SEPTIN9: variants seen among roughly 807,000 people sequenced by gnomAD.
The protein encoded by SEPTIN9 is septin 9.
Under a neutral mutation model 56.6 loss-of-function variants are expected in SEPTIN9, and 13 were observed. The ratio of observed to expected loss-of-function variants is 0.23; its 90% CI spans 0.15 to 0.37. The LOEUF (loss-of-function observed/expected upper bound fraction) is 0.37. Ranked by LOEUF, SEPTIN9 falls within the 10% of genes least tolerant of loss-of-function variation. SEPTIN9 has a pLI of 1.00. For synonymous variants in SEPTIN9, 332 were observed against 334.1 expected (o/e 0.99, Z 0.07); for missense variants, 650 against 823.1 (o/e 0.79, Z 2.57).
chr17:77,302,177 A>T (rs1454929557), intron 1 of SEPTIN9, among the ~76,000 whole-genome samples: 3 of 152,206 alleles, frequency 2.0e-5, no homozygotes, highest in African/African-American at 7.2e-5. Flanking sequence ...CCCAGGTAAA[A>T]GAAAAAATAG....
chr17:77,404,811 G>A (rs544987900), intron 3 of SEPTIN9, among the ~76,000 whole-genome samples: 30 of 152,246 alleles, frequency 2.0e-4, no homozygotes, highest in African/African-American at 6.3e-4. Context: ...CGAGTCCCGT[G>A]TTCCCTCTCC....
intron 2 of SEPTIN9, among the ~76,000 whole-genome samples, chr17:77,340,641 C>G (rs984661125): frequency 6.6e-6 from 1 of 152,182 alleles, no homozygotes; most frequent in Non-Finnish European, 1.5e-5. Flanking sequence ...GTCAGCCTGT[C>G]CTTTGAAGCT....
rs1241478688 is a variant in SEPTIN9, at chr17:77,435,946, G to C, written c.721+33243G>C. ...CTGGAAAAACCTTACACCGTTTAGG[G>C]CTTGAGGCAGGGCTAGAGCATGGAG... On this transcript the variant is annotated intron_variant, in intron 3 of 11. Coordinates refer to ENST00000427177, the MANE Select transcript of SEPTIN9 (RefSeq NM_001113491.2). This position sits in a 1 kb window ranked among gnomAD's most constrained non-coding sequence, Gnocchi z 4.5. Among the ~76,000 whole-genome samples, 1 of 152,222 alleles carries C rather than the reference G, an allele frequency of 6.6e-6. No homozygotes were observed. Among genetic ancestry groups the C allele is most frequent in the Non-Finnish European group, 1.5e-5 (1 of 68,038 alleles).
rs1054677536 is a variant in SEPTIN9 at position 77,425,002 on chromosome 17, G to T, written c.721+22299G>T. On this transcript the variant is annotated intron_variant, in intron 3 of 11. Transcript: ENST00000427177. The surrounding 1 kb of genome is among the most constrained non-coding windows in gnomAD (Gnocchi z 4.2). ...CCATCAGTAGGGTGAGGGTAACCAGGACTTACGCATAGTTGGGCGAAGTCG... is the reference window on the plus strand; with the variant it reads ...CCATCAGTAGGGTGAGGGTAACCAGTACTTACGCATAGTTGGGCGAAGTCG... Among the ~76,000 whole-genome samples the T allele has an allele frequency of 6.6e-6, 1 of 152,208 alleles. No homozygotes were observed. The highest frequency in any genetic ancestry group is 1.5e-5 in the Non-Finnish European group (1 of 68,028).
intron 2 of SEPTIN9, among the ~76,000 whole-genome samples, chr17:77,339,785 C>T (rs2033668665): frequency 6.6e-6 from 1 of 151,172 alleles, no homozygotes; most frequent in Non-Finnish European, 1.5e-5. Flanking sequence ...ATTGGGACTA[C>T]AGGCATGAGC....
intron 1 of SEPTIN9, among the ~76,000 whole-genome samples, chr17:77,284,931 C>A (rs2031209111): frequency 6.6e-6 from 1 of 152,156 alleles, no homozygotes. Flanking sequence ...CCCAGCCTGC[C>A]TCATTTGTTA....
rs77277675 is a variant in SEPTIN9 at position 77,298,487 on chromosome 17, G to A, written c.20-8654G>A. 3.1e-3 allele frequency among the ~76,000 whole-genome samples: 474 copies of A among 152,334 alleles called. 5 individuals carry two copies. Among genetic ancestry groups the A allele is most frequent in the African/African-American group, 0.01 (420 of 41,568 alleles). Reference sequence around the variant, plus strand: ...GACCTCCTGGGGAGCCTTCCCCACCGCAGCTGCTGCAGGGAGCTCAGCTGC... The same window carrying A: ...GACCTCCTGGGGAGCCTTCCCCACCACAGCTGCTGCAGGGAGCTCAGCTGC... On this transcript the variant is annotated intron_variant, in intron 1 of 11. Coordinates refer to ENST00000427177, the MANE Select transcript of SEPTIN9 (RefSeq NM_001113491.2).
intron 3 of SEPTIN9, among the ~76,000 whole-genome samples, chr17:77,417,889 C>T (rs755051283): frequency 6.6e-6 from 1 of 152,196 alleles, no homozygotes; most frequent in Non-Finnish European, 1.5e-5. Context: ...ACCTCAGCAC[C>T]TGCTGCACAG....
At position 77,313,427 on chromosome 17, in the gene SEPTIN9, A is replaced by C. The variant is rs370956150; in HGVS notation, c.76+6230A>C. On this transcript the variant is annotated intron_variant, in intron 2 of 11. Coordinates refer to ENST00000427177, the MANE Select transcript of SEPTIN9 (RefSeq NM_001113491.2). This position sits in a 1 kb window ranked among gnomAD's most constrained non-coding sequence, Gnocchi z 4.5. ...ACCAGTAAACCCTGCAGCGGCCCCA[A>C]GGGCAGAGATAGCTGGATTGTATTT... 1.3e-5 allele frequency among the ~76,000 whole-genome samples: 2 copies of C among 152,266 alleles called. No individual in the cohort carries two copies. The highest frequency in any genetic ancestry group is 4.8e-5 in the African/African-American group (2 of 41,480).
In SEPTIN9 at chr17:77,369,291, G is replaced by C. The variant is rs369160943; in HGVS notation, c.77-32768G>C. On this transcript the variant is annotated intron_variant, in intron 2 of 11. Coordinates refer to ENST00000427177, the MANE Select transcript of SEPTIN9 (RefSeq NM_001113491.2). The surrounding 1 kb of genome is among the most constrained non-coding windows in gnomAD (Gnocchi z 4.9). ...CAGGAATATTGACACCACAGGAATA[G>C]GCAAGCGCTACAAATCGGGAAACTG... Among the ~76,000 whole-genome samples the C allele has an allele frequency of 6.6e-6, 1 of 152,188 alleles. No individual in the cohort carries two copies. Among genetic ancestry groups the C allele is most frequent in the African/African-American group, 2.4e-5 (1 of 41,446 alleles).
At chr17:77,333,090 G>T (rs978486900) in intron 2 of SEPTIN9, among the ~76,000 whole-genome samples, 1 of 152,158 alleles carries the variant, frequency 6.6e-6, no homozygotes, top group African/African-American at 2.4e-5. Flanking sequence ...CAATGGATAC[G>T]AGTTCTAGTT....
At chr17:77,300,411 G>A (rs2031987488) in intron 1 of SEPTIN9, among the ~76,000 whole-genome samples, 2 of 152,166 alleles carry the variant, frequency 1.3e-5, no homozygotes, top group South Asian at 4.1e-4. Context: ...CTAGGCAGGG[G>A]GTGGGGGCAA....
chr17:77,431,265 AC>A lies in SEPTIN9; in HGVS notation c.721+28564del, dbSNP rs150030090. The stretch of plus-strand genomic sequence containing the variant: ...TGAGGCTGCAGTGAGCTATGACCAC[AC>A]CACTGTACTCCAGCTCCTGGGTGAC... On this transcript the variant is annotated intron_variant, in intron 3 of 11. Coordinates refer to ENST00000427177, the MANE Select transcript of SEPTIN9 (RefSeq NM_001113491.2). 5.2e-3 allele frequency among the ~76,000 whole-genome samples: 793 copies of A among 152,230 alleles called. 11 individuals carry two copies. The highest frequency in any genetic ancestry group is 0.027 in the South Asian group (132 of 4,828).
intron 2 of SEPTIN9, among the ~76,000 whole-genome samples, chr17:77,345,988 T>G (rs1344154514): frequency 6.6e-6 from 1 of 152,102 alleles, no homozygotes; most frequent in African/African-American, 2.4e-5. Flanking sequence ...TCCTGCTCTG[T>G]TGCCCAGGCT....
intron 3 of SEPTIN9, among the ~76,000 whole-genome samples, chr17:77,420,367 G>T (rs910732904): frequency 6.6e-6 from 1 of 152,216 alleles, no homozygotes; most frequent in African/African-American, 2.4e-5. Context: ...TTCTTGGCTG[G>T]TGGTTCTGCG....
chr17:77,321,294 G>A (rs1335043549), intron 2 of SEPTIN9, among the ~76,000 whole-genome samples: 1 of 151,938 alleles, frequency 6.6e-6, no homozygotes, highest in Non-Finnish European at 1.5e-5. Context: ...TTGCCACTAT[G>A]TGTGTGTTGG....
chr17:77,308,995 AG>A (rs2032377120), intron 2 of SEPTIN9, among the ~76,000 whole-genome samples: 1 of 152,242 alleles, frequency 6.6e-6, no homozygotes, highest in South Asian at 2.1e-4. Context: ...CGCCCATCGC[AG>A]TCATGTTGGG....
Position 77,482,288 on chromosome 17 carries a change from G to T in SEPTIN9, c.866G>T (p.Arg289Leu). The change falls in exon 4 of 12, where the codon CGC becomes CTC. Residue 289 changes from arginine to leucine, a missense_variant. By Grantham distance (102) the Arg-to-Leu change is moderately radical. This residue lies in a region of SEPTIN9 where 333 missense variants were observed against 494.0 expected (regional missense o/e 0.67). Coordinates refer to ENST00000427177, the MANE Select transcript of SEPTIN9 (RefSeq NM_001113491.2). Reference sequence around the variant, plus strand: ...ATTGACTCCATCCTGGAGCAGATGCGCCGGAAGGCCATGAAGCAGGGCTTC... The same window carrying T: ...ATTGACTCCATCCTGGAGCAGATGCTCCGGAAGGCCATGAAGCAGGGCTTC... ...VGIDSILEQMRRKAMKQGFEF... is the reference protein window; with the variant it reads ...VGIDSILEQMLRKAMKQGFEF... 6.2e-7 allele frequency: 1 copy of T among 1,613,208 alleles called. No individual in the cohort carries two copies. The highest frequency in any genetic ancestry group is 8.5e-7 in the Non-Finnish European group (1 of 1,179,874).
chr17:77,418,109 A>T (rs1455378492), intron 3 of SEPTIN9, among the ~76,000 whole-genome samples: 2 of 152,160 alleles, frequency 1.3e-5, no homozygotes, highest in Non-Finnish European at 2.9e-5. Context: ...CAGCCCCTTG[A>T]CAGCCTCTCA....
Sources: gnomAD v4.1 joint callset for allele counts (sites outside exome capture counted in the v4.1 genomes callset) on GRCh38, gnomAD v4.1.1 for gene constraint, gnomAD v4.1.1 regional missense constraint, Gnocchi (gnomAD v3.1) non-coding constraint, MANE v1.5 for transcripts, NCBI Gene and HGNC (gene_info 2026-07-23, HGNC 2026-07-21) for gene names.